Variants in ARFIP1 observed in about 807,000 individuals in gnomAD.
The protein encoded by ARFIP1 is arfaptin-1.
Under a neutral mutation model 42.5 loss-of-function variants are expected in ARFIP1, and 24 were observed. That is an observed-to-expected ratio of 0.57 (90% confidence interval 0.41 to 0.80). ARFIP1 has a LOEUF of 0.80. ARFIP1 is among the 30% of genes least tolerant of loss of function. The pLI is 0.00. For synonymous variants in ARFIP1, 141 were observed against 153.7 expected, an observed-to-expected ratio of 0.92 and a Z score of 0.61; for missense variants, 354 against 434.0, an observed-to-expected ratio of 0.82 and a Z score of 1.64.
At chr4:152,827,024 A>G (rs1730891394) in intron 1 of ARFIP1, among the ~76,000 whole-genome samples, 1 of 152,196 alleles carries the variant, frequency 6.6e-6, no homozygotes, top group Admixed American at 6.5e-5. Context: ...GGGGAGGTGG[A>G]AAATGGAGAG....
chr4:152,877,113 G>A (rs1016253286), intron 5 of ARFIP1, among the ~76,000 whole-genome samples: 4 of 152,190 alleles, frequency 2.6e-5, no homozygotes, highest in Admixed American at 2.6e-4. Flanking sequence ...GCACCTCCTA[G>A]TGGAGCTATG....
chr4:152,900,234 C>G (rs1737709861), intron 8 of ARFIP1, among the ~76,000 whole-genome samples: 1 of 152,038 alleles, frequency 6.6e-6, no homozygotes, highest in South Asian at 2.1e-4. Flanking sequence ...AGGCGAAAGA[C>G]TTTTTTTGCT....
At chr4:152,859,767 ACT>A (rs1733731530) in intron 2 of ARFIP1, among the ~76,000 whole-genome samples, 1 of 150,070 alleles carries the variant, frequency 6.7e-6, no homozygotes, top group East Asian at 2.0e-4. Context: ...TTACTCAGAA[ACT>A]CTATTTCTAC....
intron 7 of ARFIP1, chr4:152,883,128 A>G (rs1735978918): frequency 7.9e-6 from 3 of 378,092 alleles, no homozygotes. Flanking sequence ...GGGTGCCTCT[A>G]GTACTTGATG....
chr4:152,885,419 A>G (rs1225537724), intron 7 of ARFIP1, among the ~76,000 whole-genome samples: 2 of 152,046 alleles, frequency 1.3e-5, no homozygotes, highest in Non-Finnish European at 2.9e-5. Context: ...AAGGGAGTCA[A>G]TTGTGGTCGA....
At chr4:152,804,145 T>A (rs1253067158) in intron 1 of ARFIP1, among the ~76,000 whole-genome samples, 1 of 120,554 alleles carries the variant, frequency 8.3e-6, no homozygotes, top group African/African-American at 3.3e-5. Flanking sequence ...TAATATAACA[T>A]GTATTATATA....
chr4:152,849,429 A>C (rs1373517180), intron 2 of ARFIP1, among the ~76,000 whole-genome samples: 3 of 152,218 alleles, frequency 2.0e-5, no homozygotes, highest in Non-Finnish European at 4.4e-5. Context: ...TGAAGGAATT[A>C]TTTTGAATGT....
At chr4:152,904,284 A>G (rs958546974) in intron 8 of ARFIP1, among the ~76,000 whole-genome samples, 1 of 150,032 alleles carries the variant, frequency 6.7e-6, no homozygotes, top group African/African-American at 2.5e-5. Flanking sequence ...CTCCGCCTCC[A>G]TAGTTCAAGC....
At chr4:152,833,794 C>A (rs1413512632) in intron 2 of ARFIP1, among the ~76,000 whole-genome samples, 1 of 152,144 alleles carries the variant, frequency 6.6e-6, no homozygotes, top group East Asian at 1.9e-4. Flanking sequence ...ACAAATACGG[C>A]ATGATTCTGT....
intron 3 of ARFIP1, among the ~76,000 whole-genome samples, chr4:152,869,938 T>A (rs1734736750): frequency 6.6e-6 from 1 of 152,248 alleles, no homozygotes; most frequent in Non-Finnish European, 1.5e-5. Context: ...GAGTGGCTTT[T>A]GCAAAAGAAT....
At chr4:152,795,743 G>A (rs1462104685) in intron 1 of ARFIP1, among the ~76,000 whole-genome samples, 1 of 146,614 alleles carries the variant, frequency 6.8e-6, no homozygotes, top group African/African-American at 2.5e-5. Context: ...ATGAGAAATG[G>A]TATTTCAGTG....
chr4:152,788,205 C>G (rs1730927146), intron 1 of ARFIP1, among the ~76,000 whole-genome samples: 1 of 152,202 alleles, frequency 6.6e-6, no homozygotes, highest in Non-Finnish European at 1.5e-5. Context: ...GCACTCCAGC[C>G]TGGGCGACAG....
chr4:152,896,087 A>T (rs558528164), intron 8 of ARFIP1, among the ~76,000 whole-genome samples: 1 of 151,856 alleles, frequency 6.6e-6, no homozygotes, highest in Non-Finnish European at 1.5e-5. Context: ...GGTATCATGG[A>T]AGGCTTCCCT....
intron 1 of ARFIP1, among the ~76,000 whole-genome samples, chr4:152,788,740 T>C (rs1730963598): frequency 6.6e-6 from 1 of 150,808 alleles, no homozygotes; most frequent in Non-Finnish European, 1.5e-5. Context: ...AATTAACCAA[T>C]ATTGGCACGT....
intron 1 of ARFIP1, among the ~76,000 whole-genome samples, chr4:152,816,379 C>T (rs960318635): frequency 5.9e-5 from 9 of 152,224 alleles, no homozygotes; most frequent in Non-Finnish European, 1.2e-4. Flanking sequence ...CTCAAACCAC[C>T]TGGCCTTCTT....
chr4:152,892,534 C>T (rs1349318107), intron 8 of ARFIP1, among the ~76,000 whole-genome samples: 1 of 152,062 alleles, frequency 6.6e-6, no homozygotes, highest in Non-Finnish European at 1.5e-5. Context: ...TTTCTTTGTT[C>T]CCTCTTAGAA....
chr4:152,800,871 G>T (rs1245024686), intron 1 of ARFIP1, among the ~76,000 whole-genome samples: 2 of 152,172 alleles, frequency 1.3e-5, no homozygotes, highest in Non-Finnish European at 2.9e-5. Context: ...GTTCAGAGGA[G>T]TAGCAGCCAG....
At chr4:152,815,664 T>A (rs966224914) in intron 1 of ARFIP1, among the ~76,000 whole-genome samples, 41 of 152,196 alleles carry the variant, frequency 2.7e-4, no homozygotes, top group Non-Finnish European at 1.0e-4. Flanking sequence ...TTCTCATTTT[T>A]CCTTATCTCA....
intron 1 of ARFIP1, among the ~76,000 whole-genome samples, chr4:152,811,090 C>CTTTTTTTTTTTT (rs5863021): frequency 2.7e-5 from 2 of 74,430 alleles, no homozygotes; most frequent in Non-Finnish European, 5.0e-5. Flanking sequence ...AAGGTTAAGC[C>CTTTTTTTTTTTT]TTTTTTTTTT....
Sources: allele counts gnomAD v4.1 joint callset (sites outside exome capture counted in the v4.1 genomes callset), GRCh38; gene constraint gnomAD v4.1.1; transcripts MANE v1.5; gene names NCBI Gene and HGNC (gene_info 2026-07-23, HGNC 2026-07-21).